The following TRPC4 variants were observed in gnomAD, a reference collection of about 807,000 sequenced individuals.
The protein encoded by TRPC4 is transient receptor potential cation channel subfamily C member 4.
TRPC4 carries 49 observed loss-of-function variants against 99.4 expected under a neutral mutation model. The observed-to-expected ratio is 0.49, with a 90% CI of 0.39 to 0.63. The LOEUF (loss-of-function observed/expected upper bound fraction) is 0.63. TRPC4 is among the 20% of genes least tolerant of loss of function. The probability of loss-of-function intolerance (pLI) is 0.00; values close to 1 mark genes in which losing one functional copy is unlikely to be tolerated. For synonymous variants in TRPC4, 454 were observed against 425.9 expected (o/e 1.07, Z -0.81); for missense variants, 898 against 1,152.9 (o/e 0.78, Z 3.20).
chr13:37,734,829 AT>A (rs562806449), intron 3 of TRPC4, among the ~76,000 whole-genome samples: 9 of 151,762 alleles, frequency 5.9e-5, no homozygotes, highest in Non-Finnish European at 8.8e-5. Flanking sequence ...GTTGTGTAGA[AT>A]TTTTTTTTCC....
intron 4 of TRPC4, among the ~76,000 whole-genome samples, chr13:37,676,333 A>C (rs560209293): frequency 1.1e-4 from 17 of 151,810 alleles, no homozygotes; most frequent in Non-Finnish European, 2.1e-4. Context: ...GACTGACAGC[A>C]AACTTCTGGG....
chr13:37,850,759 TAAAG>T (rs1424714183), intron 1 of TRPC4, among the ~76,000 whole-genome samples: 3 of 152,144 alleles, frequency 2.0e-5, no homozygotes, highest in Admixed American at 6.5e-5. Context: ...TAACTTTTCT[TAAAG>T]AAGAGTTGCA....
At chr13:37,703,816 A>C (rs1954180874) in intron 3 of TRPC4, among the ~76,000 whole-genome samples, 1 of 152,122 alleles carries the variant, frequency 6.6e-6, no homozygotes, top group Non-Finnish European at 1.5e-5. Context: ...CCAATGATAC[A>C]TCCATTCTTA....
intron 1 of TRPC4, among the ~76,000 whole-genome samples, chr13:37,806,202 T>C (rs990832361): frequency 1.3e-5 from 2 of 152,020 alleles, no homozygotes; most frequent in Admixed American, 6.6e-5. Context: ...GTGTCAGTCA[T>C]ACAAAGTTGC....
intron 2 of TRPC4, among the ~76,000 whole-genome samples, chr13:37,761,246 C>A (rs1425850175): frequency 6.6e-6 from 1 of 151,814 alleles, no homozygotes; most frequent in Non-Finnish European, 1.5e-5. Flanking sequence ...TCAGTCAATC[C>A]TCAAAATAAT....
intron 1 of TRPC4, among the ~76,000 whole-genome samples, chr13:37,816,340 A>C (rs1005997018): frequency 6.6e-6 from 1 of 151,938 alleles, no homozygotes; most frequent in Non-Finnish European, 1.5e-5. Context: ...TGAGGCAGAA[A>C]ATTAACAAAG....
chr13:37,837,914 AT>A (rs1958611662), intron 1 of TRPC4, among the ~76,000 whole-genome samples: 1 of 151,964 alleles, frequency 6.6e-6, no homozygotes, highest in Non-Finnish European at 1.5e-5. Context: ...ATGGGGGCAA[AT>A]TTTTCCCATG....
chr13:37,718,358 A>G (rs1462435079), intron 3 of TRPC4, among the ~76,000 whole-genome samples: 1 of 151,520 alleles, frequency 6.6e-6, no homozygotes, highest in Non-Finnish European at 1.5e-5. Context: ...AACAACTTAC[A>G]GCATCCAAGA....
intron 1 of TRPC4, among the ~76,000 whole-genome samples, chr13:37,798,764 G>T (rs1462285219): frequency 6.6e-6 from 1 of 152,020 alleles, no homozygotes; most frequent in East Asian, 1.9e-4. Flanking sequence ...GTAAAATCAT[G>T]ATTGTTATGC....
chr13:37,841,140 G>C (rs987313222), intron 1 of TRPC4, among the ~76,000 whole-genome samples: 1 of 152,000 alleles, frequency 6.6e-6, no homozygotes, highest in African/African-American at 2.4e-5. Context: ...GATTTACAGA[G>C]GATCACAATG....
chr13:37,657,667 T>C (rs902718203), intron 6 of TRPC4, among the ~76,000 whole-genome samples: 4 of 152,168 alleles, frequency 2.6e-5, no homozygotes, highest in African/African-American at 7.2e-5. Context: ...TTACAGGTTC[T>C]TTTTCAAATA....
chr13:37,869,534 C>T (rs2139757381), intron 1 of TRPC4, 61 bp downstream of exon 1: 1 of 152,348 alleles, frequency 6.6e-6, no homozygotes, highest in East Asian at 1.9e-4. Flanking sequence ...AACCGAGATC[C>T]CAGAAAGAAG....
chr13:37,771,588 T>A (rs547658737), intron 2 of TRPC4, among the ~76,000 whole-genome samples: 26 of 147,488 alleles, frequency 1.8e-4, no homozygotes, highest in Non-Finnish European at 2.7e-4. Flanking sequence ...TGTGTGTGTG[T>A]GAGCTACAGA....
chr13:37,677,841 C>G (rs749462179), intron 4 of TRPC4, among the ~76,000 whole-genome samples: 2 of 152,082 alleles, frequency 1.3e-5, no homozygotes, highest in Non-Finnish European at 2.9e-5. Flanking sequence ...TGCTCGTGCA[C>G]ATGGAACATT....
intron 1 of TRPC4, among the ~76,000 whole-genome samples, chr13:37,862,071 C>A (rs1352508440): frequency 6.6e-6 from 1 of 151,394 alleles, no homozygotes. Context: ...TAGCTGTAGA[C>A]AGAGGAGCCC....
At chr13:37,732,614 A>G (rs2139090825) in intron 3 of TRPC4, among the ~76,000 whole-genome samples, 1 of 152,344 alleles carries the variant, frequency 6.6e-6, no homozygotes, top group South Asian at 2.1e-4. Flanking sequence ...TGAATTCAAC[A>G]AAGTTTCAGT....
intron 8 of TRPC4, among the ~76,000 whole-genome samples, chr13:37,648,547 TAA>T (rs906421779): frequency 1.4e-5 from 2 of 142,500 alleles, no homozygotes; most frequent in Non-Finnish European, 1.5e-5. Context: ...TATTAATGGT[TAA>T]AAAAAAAAAA....
Position 37,705,864 on chromosome 13 carries a change from A to G in TRPC4, c.898-13529T>C, listed in dbSNP as rs562812417. On this transcript the variant is annotated intron_variant, in intron 3 of 10. Coordinates refer to ENST00000379705, the MANE Select transcript of TRPC4 (RefSeq NM_016179.4). ...ACAAACCACTCAAAGTGCTTTAACC[A>G]TGCCTGGGCCTTCCTCACCGTTACA... 1.6e-4 allele frequency among the ~76,000 whole-genome samples: 25 copies of G among 152,258 alleles called. No individual in the cohort carries two copies. The South Asian group carries it at 5.0e-3, about 30-fold the overall frequency.
rs1208333275 is a variant in TRPC4 at position 37,633,993 on chromosome 13, A to C, written c.*2910T>G. On this transcript the variant is annotated 3_prime_UTR_variant, in exon 11 of 11. Coordinates refer to ENST00000379705, the MANE Select transcript of TRPC4 (RefSeq NM_016179.4). Reference sequence around the variant, plus strand: ...GACTTCCAAAATACAATTGTGATAAACAAAGTGTTTTAAACTTACCTGCTA... The same window carrying C: ...GACTTCCAAAATACAATTGTGATAACCAAAGTGTTTTAAACTTACCTGCTA... Among the ~76,000 whole-genome samples the C allele has an allele frequency of 6.6e-6, 1 of 152,108 alleles. No homozygotes were observed. The highest frequency in any genetic ancestry group is 1.5e-5 in the Non-Finnish European group (1 of 67,988).
Sources: gnomAD v4.1 joint callset for allele counts (sites outside exome capture counted in the v4.1 genomes callset) on GRCh38, gnomAD v4.1.1 for gene constraint, MANE v1.5 for transcripts, NCBI Gene and HGNC (gene_info 2026-07-23, HGNC 2026-07-21) for gene names.